The following BRD8 variants were observed in gnomAD, a reference collection of about 807,000 sequenced individuals.
BRD8 encodes bromodomain-containing protein 8.
In BRD8, 67 loss-of-function variants were observed where a neutral mutation model predicts 143.1. The observed-to-expected ratio is 0.47, with a 90% CI of 0.38 to 0.57. BRD8 has a LOEUF of 0.57. Ranked by LOEUF, BRD8 falls within the 20% of genes least tolerant of loss-of-function variation. BRD8 has a pLI of 0.00. For missense variants in BRD8, 1,103 were observed against 1,503.0 expected (o/e 0.73, Z 4.40); for synonymous variants, 505 against 517.1 (o/e 0.98, Z 0.32).
intron 14 of BRD8, 25 bp from the exon 15 acceptor site, chr5:138,163,369 A>C: frequency 6.2e-7 from 1 of 1,609,992 alleles, no homozygotes; most frequent in Non-Finnish European, 8.5e-7. Flanking sequence ...GCTCCAGTTA[A>C]CAAATGCAAG....
chr5:138,152,852 G>C, intron 20 of BRD8, 92 bp from the exon 21 acceptor site: 1 of 1,352,180 alleles, frequency 7.4e-7, no homozygotes, highest in South Asian at 1.4e-5. Context: ...AAAATAAGGG[G>C]CCAGAAATTT....
rs756397602 is a variant in BRD8, at chr5:138,167,273, AAAC to A, written c.788-549_788-547del. On this transcript the variant is annotated intron_variant, in intron 9 of 26. Coordinates refer to ENST00000254900, the MANE Select transcript of BRD8 (RefSeq NM_139199.2). ...ACAGAGCAAGGCTCTGTCTCAAAAA[AAAC>A]AACAACAACAACAACAAAGGGTGGT... Among the ~76,000 whole-genome samples the A allele has an allele frequency of 2.8e-4, 43 of 151,852 alleles. No individual in the cohort carries two copies. In the East Asian group the frequency reaches 5.6e-3, roughly 20 times the overall value.
intron 2 of BRD8, among the ~76,000 whole-genome samples, chr5:138,175,439 T>C (rs983284406): frequency 3.3e-4 from 50 of 151,998 alleles, no homozygotes; most frequent in Admixed American, 2.8e-3. Context: ...AGTTCTAGGC[T>C]GGGAGTGATG....
chr5:138,177,970 C>T (rs1754498059), intron 1 of BRD8, among the ~76,000 whole-genome samples: 1 of 152,126 alleles, frequency 6.6e-6, no homozygotes, highest in African/African-American at 2.4e-5. Context: ...CCCTAAAAGC[C>T]CAGTTTTAAG....
Position 138,164,694 on chromosome 5 carries a change from C to A in BRD8, c.1731+20G>T, listed in dbSNP as rs768126572. ...AAGGTATAAACCTCCATCTCCCCAGCCCCGATCTTTCTTAAGTACCTCTGT... is the reference window on the plus strand; with the variant it reads ...AAGGTATAAACCTCCATCTCCCCAGACCCGATCTTTCTTAAGTACCTCTGT... On this transcript the variant is annotated intron_variant, in intron 12 of 26. Transcript: ENST00000254900. The A allele has an allele frequency of 1.2e-6, 2 of 1,612,718 alleles. No homozygotes were observed. Among genetic ancestry groups the A allele is most frequent in the South Asian group, 2.2e-5 (2 of 90,822 alleles).
intron 26 of BRD8, 63 bp downstream of exon 26, chr5:138,140,642 C>G: frequency 6.5e-7 from 1 of 1,537,036 alleles, no homozygotes; most frequent in Non-Finnish European, 9.0e-7. Flanking sequence ...TCGAAATCAC[C>G]TTTATTCTCA....
At chr5:138,152,092 G>C (rs1388675958) in intron 21 of BRD8, among the ~76,000 whole-genome samples, 6 of 152,166 alleles carry the variant, frequency 3.9e-5, no homozygotes, top group African/African-American at 1.4e-4. Flanking sequence ...CTGACCTCAA[G>C]TGATCCGCCC....
chr5:138,159,489 C>T, intron 20 of BRD8, 66 bp downstream of exon 20: 3 of 1,554,948 alleles, frequency 1.9e-6, no homozygotes, highest in South Asian at 1.1e-5. Context: ...CCCTCTGCCA[C>T]CCACCCCCAT....
At chr5:138,158,767 G>GC in intron 20 of BRD8, among the ~76,000 whole-genome samples, 1 of 135,582 alleles carries the variant, frequency 7.4e-6, no homozygotes, top group South Asian at 2.4e-4. Flanking sequence ...TACTGAGATT[G>GC]TTTTTTTTTT....
intron 15 of BRD8, 30 bp from the exon 16 acceptor site, chr5:138,162,176 G>A (rs758879786): frequency 6.7e-7 from 1 of 1,493,780 alleles, no homozygotes; most frequent in African/African-American, 1.4e-5. Flanking sequence ...ATTCCACTAG[G>A]CACAAGTTAA....
chr5:138,146,969 C>CAAAAA (rs60597015), intron 23 of BRD8, among the ~76,000 whole-genome samples: 1 of 49,048 alleles, frequency 2.0e-5, no homozygotes, highest in Non-Finnish European at 4.4e-5. Context: ...AACTCCGTCT[C>CAAAAA]AAAAAAAAAA....
rs1481448617 is a variant in BRD8, at chr5:138,167,949, A to G, written c.772T>C (p.Ser258Pro). 1 of 1,613,516 alleles carries G rather than the reference A, an allele frequency of 6.2e-7. No individual in the cohort carries two copies. Among genetic ancestry groups the G allele is most frequent in the Admixed American group, 1.7e-5 (1 of 60,032 alleles). Residue 258 changes from serine (S) to proline (P), a missense_variant, in exon 9 of 27, where the codon TCC (serine) becomes CCC (proline). Physicochemically the swap from Ser to Pro is moderately conservative, Grantham distance 74. Coordinates refer to ENST00000254900, the MANE Select transcript of BRD8 (RefSeq NM_139199.2). ...IQQTPNTVAA[S>P]PAASGAPTLS... ...GGTAACTTACCTGATGCAGCAGGGG[A>G]GGCTGCAACAGTATTGGGTGTTTGC...
At position 138,142,759 on chromosome 5, in the gene BRD8, C is replaced by CAAAAAA. The variant is rs35529846; in HGVS notation, c.3438-1883_3438-1878dup. On this transcript the variant is annotated intron_variant, in intron 25 of 26. Coordinates refer to ENST00000254900, the MANE Select transcript of BRD8 (RefSeq NM_139199.2). ...GCCTGGTGACAGAGCAAGACTGTCT[C>CAAAAAA]AAAAAAAAAAAAAAAAAAAAATCCA... Among the ~76,000 whole-genome samples, 2 of 83,856 alleles carry CAAAAAA rather than the reference C, an allele frequency of 2.4e-5. 1 individual carries two copies. Among genetic ancestry groups the CAAAAAA allele is most frequent in the Non-Finnish European group, 4.6e-5 (2 of 43,046 alleles). The allele number at this position is 83,856 out of a possible 152,430, so 55.0% of individuals were successfully genotyped here.
At chr5:138,174,367 G>C (rs1045373703) in intron 2 of BRD8, among the ~76,000 whole-genome samples, 2 of 152,158 alleles carry the variant, frequency 1.3e-5, no homozygotes, top group African/African-American at 4.8e-5. Flanking sequence ...GGCCGAGGCA[G>C]GTGGATCATC....
At chr5:138,176,683 G>T (rs1483192313) in intron 2 of BRD8, among the ~76,000 whole-genome samples, 2 of 152,078 alleles carry the variant, frequency 1.3e-5, no homozygotes, top group African/African-American at 4.8e-5. Context: ...AGAATAAAAT[G>T]TTCTAAAATT....
At chr5:138,161,706 C>A in intron 17 of BRD8, 90 bp downstream of exon 17, 2 of 1,351,238 alleles carry the variant, frequency 1.5e-6, no homozygotes, top group South Asian at 1.3e-5. Context: ...AACTTACTTG[C>A]TTTAAACTTT....
intron 23 of BRD8, among the ~76,000 whole-genome samples, chr5:138,147,172 G>T (rs1273405832): frequency 6.6e-6 from 1 of 151,010 alleles, no homozygotes; most frequent in Non-Finnish European, 1.5e-5. Flanking sequence ...CAGTGGCTCA[G>T]GCTTATAATC....
intron 8 of BRD8, chr5:138,168,819 C>A: frequency 1.6e-6 from 1 of 630,190 alleles, no homozygotes; most frequent in Non-Finnish European, 2.8e-6. Flanking sequence ...CCCTCTATCC[C>A]TCCTGCTCTT....
At chr5:138,171,010 AT>A in intron 5 of BRD8, 27 bp downstream of exon 5, 1 of 1,611,576 alleles carries the variant, frequency 6.2e-7, no homozygotes. Context: ...GTCTTTCTCA[AT>A]TTTTTGGCAT....
Sources: gnomAD v4.1 joint callset for allele counts (sites outside exome capture counted in the v4.1 genomes callset) on GRCh38, gnomAD v4.1.1 for gene constraint, MANE v1.5 for transcripts, NCBI Gene and HGNC (gene_info 2026-07-23, HGNC 2026-07-21) for gene names.